TSPAN2: variants seen among roughly 807,000 people sequenced by gnomAD.
TSPAN2 encodes the protein tetraspanin 2, also known as tetraspanin-2.
Under a neutral mutation model 33.3 loss-of-function variants are expected in TSPAN2, and 24 were observed. The observed-to-expected ratio is 0.72, with a 90% CI of 0.52 to 1.01. The LOEUF (loss-of-function observed/expected upper bound fraction) is 1.01, where lower values mean the gene tolerates loss of function less well. Ranked by LOEUF, TSPAN2 falls within the 50% of genes least tolerant of loss-of-function variation. TSPAN2 has a pLI of 0.00. For synonymous variants in TSPAN2, 114 were observed against 104.5 expected (o/e 1.09, Z -0.56); for missense variants, 278 against 281.3 (o/e 0.99, Z 0.08).
intron 4 of TSPAN2, among the ~76,000 whole-genome samples, chr1:115,059,466 G>T (rs944924788): frequency 6.6e-6 from 1 of 152,288 alleles, no homozygotes; most frequent in South Asian, 2.1e-4. Context: ...CATCAACTGG[G>T]CCCCAGATTC....
At chr1:115,050,647 A>G in intron 7 of TSPAN2, 92 bp from the exon 8 acceptor site, 1 of 957,120 alleles carries the variant, frequency 1.0e-6, no homozygotes, top group Non-Finnish European at 1.7e-6. Context: ...ACTCAAGTTA[A>G]CAAATAATTA....
intron 2 of TSPAN2, among the ~76,000 whole-genome samples, chr1:115,068,489 T>G (rs1570975234): frequency 6.6e-6 from 1 of 152,150 alleles, no homozygotes; most frequent in South Asian, 2.1e-4. Context: ...ACCATTTGAA[T>G]GTGCCATGCC....
chr1:115,062,956 C>T (rs1038168565), intron 2 of TSPAN2, among the ~76,000 whole-genome samples: 24 of 152,156 alleles, frequency 1.6e-4, no homozygotes, highest in African/African-American at 5.1e-4. Context: ...CTGGCCTCAG[C>T]GTTCTTTTCA....
chr1:115,062,189 C>T lies in TSPAN2; in HGVS notation c.216G>A (p.Val72=). 1.2e-6 allele frequency: 2 copies of T among 1,601,544 alleles called. No homozygotes were observed. Among genetic ancestry groups the T allele is most frequent in the Non-Finnish European group, 1.7e-6 (2 of 1,173,984 alleles). ...TGGCTCCGCAGCACCCGAAGAACCC[C>T]ACGGCCATCATCAGGGCCCCGGCTC... The part of the protein sequence containing the change: ...LVGAGALMMA[V]GFFGCCGAMR... The change falls in exon 3 of 8, where the codon GTG becomes GTA. Residue 72 remains valine (V), a synonymous_variant. Transcript: ENST00000369516.
intron 6 of TSPAN2, among the ~76,000 whole-genome samples, chr1:115,053,879 T>C (rs1004854375): frequency 6.6e-6 from 1 of 152,236 alleles, no homozygotes; most frequent in Non-Finnish European, 1.5e-5. Flanking sequence ...TTTGACCCAA[T>C]TTACTATGCA....
At chr1:115,069,807 T>C (rs1278520304) in intron 2 of TSPAN2, among the ~76,000 whole-genome samples, 1 of 152,166 alleles carries the variant, frequency 6.6e-6, no homozygotes, top group Admixed American at 6.5e-5. Context: ...TTGGTTTAGA[T>C]TAGAAACAAA....
At position 115,050,525 on chromosome 1, in the gene TSPAN2, A is replaced by G; in HGVS notation, c.631T>C (p.Cys211Arg). ...TCTCGTGAGTTTCGTATCGCACAGC[A>G]GAGGACCATGCTGAATATCATGCCA... ...IFGMIFSMVL[C>R]CAIRNSRDVI is the part of the protein sequence containing the mutation. The change falls in exon 8 of 8, where the codon TGC becomes CGC. Residue 211 changes from cysteine to arginine, a missense_variant. Cys to Arg is a radical substitution (Grantham distance 180). Transcript: ENST00000369516. 6.2e-7 allele frequency: 1 copy of G among 1,614,082 alleles called. No homozygotes were observed. Among genetic ancestry groups the G allele is most frequent in the South Asian group, 1.1e-5 (1 of 91,076 alleles).
intron 2 of TSPAN2, among the ~76,000 whole-genome samples, chr1:115,069,294 C>T (rs75718166): frequency 2.6e-5 from 4 of 152,166 alleles, no homozygotes; most frequent in African/African-American, 9.7e-5. Context: ...ATTCTCAGCC[C>T]ATGTGGTTTG....
intron 2 of TSPAN2, among the ~76,000 whole-genome samples, chr1:115,066,408 T>C (rs780516154): frequency 6.6e-6 from 1 of 152,252 alleles, no homozygotes; most frequent in Non-Finnish European, 1.5e-5. Context: ...GCATTTGCTA[T>C]TCTTTCTCCC....
In TSPAN2 at chr1:115,058,875, T is replaced by C. The variant is rs781292721; in HGVS notation, c.444+8A>G. The C allele has an allele frequency of 1.3e-6, 2 of 1,595,088 alleles. No individual in the cohort carries two copies. The highest frequency in any genetic ancestry group is 2.2e-5 in the East Asian group (1 of 44,784). On this transcript the variant is annotated splice_region_variant and intron_variant, in intron 5 of 7. Transcript: ENST00000369516. ...CTGTGATTTTAAGGAAGAAGTGAAG[T>C]TACTCACTGTTGAGTGGAAGGTGAT... is the stretch of plus-strand genomic sequence containing the variant.
intron 2 of TSPAN2, among the ~76,000 whole-genome samples, chr1:115,062,619 G>A (rs568261372): frequency 6.6e-6 from 1 of 152,202 alleles, no homozygotes; most frequent in Non-Finnish European, 1.5e-5. Flanking sequence ...GAGAACTAAA[G>A]CCAAGCCTTT....
At chr1:115,068,024 G>A (rs997913306) in intron 2 of TSPAN2, among the ~76,000 whole-genome samples, 3 of 152,152 alleles carry the variant, frequency 2.0e-5, no homozygotes, top group Non-Finnish European at 4.4e-5. Context: ...TAGGCAACAC[G>A]GAGCAACCCA....
intron 1 of TSPAN2, 58 bp from the exon 2 acceptor site, chr1:115,073,065 G>C (rs370919770): frequency 2.1e-6 from 3 of 1,433,638 alleles, no homozygotes; most frequent in Non-Finnish European, 2.9e-6. Context: ...GCACAGATCC[G>C]AGAGCAGGCT....
chr1:115,058,451 T>C (rs1203222510), intron 5 of TSPAN2: 1 of 237,174 alleles, frequency 4.2e-6, no homozygotes, highest in Admixed American at 5.6e-5. Flanking sequence ...GCTGCGTGGG[T>C]ATCAGGGAGG....
At position 115,089,476 on chromosome 1, in the gene TSPAN2, A is replaced by C. The variant is rs1026812870; in HGVS notation, c.-44T>G. 294 of 1,342,384 alleles carry C rather than the reference A, an allele frequency of 2.2e-4. 1 individual carries two copies. The highest frequency in any genetic ancestry group is 2.7e-4 in the Non-Finnish European group (273 of 1,029,994). 83.2% of individuals were successfully genotyped at this position (1,342,384 alleles called of 1,614,324 possible). On this transcript the variant is annotated 5_prime_UTR_variant, in exon 1 of 8. Transcript: ENST00000369516. ...GATCCCCAGTCCCCAGGCCCGCGCT[A>C]CGAGCGCGGGGAGCGGCAGGCTCCG...
intron 7 of TSPAN2, among the ~76,000 whole-genome samples, chr1:115,051,426 T>A (rs1675312058): frequency 6.6e-6 from 1 of 152,246 alleles, no homozygotes; most frequent in South Asian, 2.1e-4. Flanking sequence ...TACTATGGTA[T>A]TATTGACTTT....
intron 1 of TSPAN2, among the ~76,000 whole-genome samples, chr1:115,084,228 T>G (rs1045796660): frequency 1.3e-5 from 2 of 152,254 alleles, no homozygotes; most frequent in African/African-American, 4.8e-5. Context: ...CTTATAACCT[T>G]ACATATATTA....
intron 6 of TSPAN2, among the ~76,000 whole-genome samples, chr1:115,055,249 T>TA (rs1647350995): frequency 6.6e-6 from 1 of 151,968 alleles, no homozygotes; most frequent in African/African-American, 2.4e-5. Context: ...CTTCTTTTTG[T>TA]AAAAAACAAA....
At position 115,078,062 on chromosome 1, in the gene TSPAN2, T is replaced by C. The variant is rs114448786; in HGVS notation, c.70-5055A>G. ...ATACCTAAGTGGGAAACACAGGTCC[T>C]GGCCCTCAGATGCTCCAGCTACAGT... is the stretch of plus-strand genomic sequence containing the variant. On this transcript the variant is annotated intron_variant, in intron 1 of 7. Coordinates refer to ENST00000369516, the MANE Select transcript of TSPAN2 (RefSeq NM_005725.6). Among the ~76,000 whole-genome samples, 525 of 152,354 alleles carry C rather than the reference T, an allele frequency of 3.4e-3. 2 individuals carry two copies. The highest frequency in any genetic ancestry group is 0.012 in the African/African-American group (500 of 41,582).
Sources: gnomAD v4.1 joint callset for allele counts (sites outside exome capture counted in the v4.1 genomes callset) on GRCh38, gnomAD v4.1.1 for gene constraint, MANE v1.5 for transcripts, NCBI Gene and HGNC (gene_info 2026-07-23, HGNC 2026-07-21) for gene names.